PRKDC: variants seen among roughly 807,000 people sequenced by gnomAD.
The protein encoded by PRKDC is protein kinase, DNA-activated, catalytic subunit, also known as DNA-dependent protein kinase catalytic subunit.
In PRKDC, 82 loss-of-function variants were observed where a neutral mutation model predicts 486.9. That is an observed-to-expected ratio of 0.17 (90% CI 0.14 to 0.20). The LOEUF (loss-of-function observed/expected upper bound fraction) is 0.20, where lower values mean the gene tolerates loss of function less well. Ranked by LOEUF, PRKDC falls within the 10% of genes least tolerant of loss-of-function variation. The pLI is 1.00. For synonymous variants in PRKDC, 1,895 were observed against 1,837.0 expected, an observed-to-expected ratio of 1.03 and a Z score of -0.81; for missense variants, 4,504 against 5,038.2, an observed-to-expected ratio of 0.89 and a Z score of 3.21.
intron 71 of PRKDC, 64 bp from the exon 72 acceptor site, chr8:47,799,454 C>T: frequency 7.2e-7 from 1 of 1,389,346 alleles, no homozygotes; most frequent in African/African-American, 1.4e-5. Context: ...ACTCTGCTTT[C>T]CATTTGTGAC....
intron 21 of PRKDC, among the ~76,000 whole-genome samples, chr8:47,925,785 A>G (rs1013663695): frequency 1.3e-5 from 2 of 152,246 alleles, no homozygotes; most frequent in African/African-American, 4.8e-5. Flanking sequence ...CAAACACACA[A>G]TAGAGAAAGT....
At position 47,782,308 on chromosome 8, in the gene PRKDC, T is replaced by G. The variant is rs1241595346; in HGVS notation, c.11397-54A>C. 1 of 1,611,192 alleles carries G rather than the reference T, an allele frequency of 6.2e-7. No individual in the cohort carries two copies. Among genetic ancestry groups the G allele is most frequent in the African/African-American group, 1.3e-5 (1 of 74,888 alleles). On this transcript the variant is annotated intron_variant, in intron 79 of 85. Coordinates refer to ENST00000314191, the MANE Select transcript of PRKDC (RefSeq NM_006904.7). This position sits in a 1 kb window ranked among gnomAD's most constrained non-coding sequence, Gnocchi z 4.9. ...TAAACCCAAACTGCTCTTTCTTCAC[T>G]AGAAAAACAGTCCCGTGGACGCCAA...
At chr8:47,887,860 G>T (rs528586021) in intron 34 of PRKDC, among the ~76,000 whole-genome samples, 155 bp from the exon 35 acceptor site, 4 of 152,210 alleles carry the variant, frequency 2.6e-5, no homozygotes, top group South Asian at 2.1e-4. Context: ...TGCTTTTGTT[G>T]TTCTTGCTAT....
At chr8:47,897,925 C>A (rs2089611813) in intron 29 of PRKDC, among the ~76,000 whole-genome samples, 1 of 152,154 alleles carries the variant, frequency 6.6e-6, no homozygotes, top group Non-Finnish European at 1.5e-5. Flanking sequence ...AGATACCCTG[C>A]AGAGATCTGG....
chr8:47,890,570 G>T, intron 31 of PRKDC, 90 bp from the exon 32 acceptor site: 1 of 952,420 alleles, frequency 1.0e-6, no homozygotes, highest in Non-Finnish European at 1.5e-6. Context: ...TATAGGCATG[G>T]TATACGTTCA....
At chr8:47,877,642 T>G (rs182150990) in intron 40 of PRKDC, 82 bp downstream of exon 40, 1 of 1,184,044 alleles carries the variant, frequency 8.4e-7, no homozygotes, top group Admixed American at 3.0e-5. Context: ...GCCACTCAGC[T>G]TTTTTTTTGG....
Position 47,813,091 on chromosome 8 carries a change from TTATATTTATTTATTTA to T in PRKDC, c.9557+4343_9557+4358del, listed in dbSNP as rs2087368190. On this transcript the variant is annotated intron_variant, in intron 68 of 85. Coordinates refer to ENST00000314191, the MANE Select transcript of PRKDC (RefSeq NM_006904.7). ...ACAAAAATGACACAAAAATAGAATT[TTATATTTATTTATTTA>T]TTTATTTATTTATTTATTTATTTAT... is the stretch of plus-strand genomic sequence containing the variant. Among the ~76,000 whole-genome samples, 5 of 142,296 alleles carry T rather than the reference TTATATTTATTTATTTA, an allele frequency of 3.5e-5. No homozygotes were observed. The South Asian group carries it at 1.1e-3, about 31-fold the overall frequency. 93.4% of individuals were successfully genotyped at this position (142,296 alleles called of 152,430 possible). A position where few individuals can be genotyped will look rare whatever the true frequency, so the allele number is the denominator to read the frequency against.
At chr8:47,868,587 A>C (rs546194552) in intron 40 of PRKDC, among the ~76,000 whole-genome samples, 2 of 152,120 alleles carry the variant, frequency 1.3e-5, no homozygotes, top group Non-Finnish European at 2.9e-5. Context: ...GAATGAATGA[A>C]TGATAAAATT....
Position 47,836,331 on chromosome 8 carries a change from CTG to C in PRKDC, c.7951+5_7951+6del. 1 of 1,559,848 alleles carries C rather than the reference CTG, an allele frequency of 6.4e-7. No homozygotes were observed. The highest frequency in any genetic ancestry group is 8.7e-7 in the Non-Finnish European group (1 of 1,149,956). ...TATACATGGCCAGCGGGCAGGGTCACTGTTACCTGCAGTCTGTGTCAGTGTGA... is the reference window on the plus strand; with the variant it reads ...TATACATGGCCAGCGGGCAGGGTCACTTACCTGCAGTCTGTGTCAGTGTGA... On this transcript the variant is annotated splice_donor_5th_base_variant and intron_variant, in intron 58 of 85. Transcript: ENST00000314191.
At chr8:47,820,429 G>C (rs1391677652) in intron 66 of PRKDC, among the ~76,000 whole-genome samples, 2 of 151,442 alleles carry the variant, frequency 1.3e-5, no homozygotes, top group Non-Finnish European at 1.5e-5. Flanking sequence ...TGTTCTTTAA[G>C]AGTATGAGAA....
chr8:47,802,488 T>G (rs2087128276), intron 70 of PRKDC, among the ~76,000 whole-genome samples: 1 of 151,348 alleles, frequency 6.6e-6, no homozygotes, highest in African/African-American at 2.4e-5. Context: ...GCTTTTTTTT[T>G]TTTTTTTTTG....
rs1365821543 is a variant in PRKDC at position 47,773,590 on chromosome 8, A to G, written c.*583T>C. ...ATCTATCATAAAATGTCAAAACTAG[A>G]AGAGAATAAAATGAAAGGAAAAAAC... is the stretch of plus-strand genomic sequence containing the variant. On this transcript the variant is annotated 3_prime_UTR_variant, in exon 86 of 86. Transcript: ENST00000314191. 5 of 220,708 alleles carry G rather than the reference A, an allele frequency of 2.3e-5. No individual in the cohort carries two copies. The highest frequency in any genetic ancestry group is 4.5e-5 in the Non-Finnish European group (5 of 110,378). 13.7% of individuals were successfully genotyped at this position (220,708 alleles called of 1,614,324 possible).
intron 7 of PRKDC, among the ~76,000 whole-genome samples, chr8:47,949,105 T>TG (rs2090585778): frequency 6.6e-6 from 1 of 152,200 alleles, no homozygotes; most frequent in South Asian, 2.1e-4. Context: ...GGCACCCCCA[T>TG]GCCTTGGCTC....
chr8:47,777,297 C>T (rs1282713601), intron 84 of PRKDC, among the ~76,000 whole-genome samples: 3 of 152,064 alleles, frequency 2.0e-5, no homozygotes, highest in Non-Finnish European at 4.4e-5. Context: ...CAACCTCTGC[C>T]TCCTGGTTTC....
intron 28 of PRKDC, among the ~76,000 whole-genome samples, chr8:47,899,375 G>A (rs1381474020): frequency 6.6e-6 from 1 of 152,224 alleles, no homozygotes; most frequent in East Asian, 1.9e-4. Flanking sequence ...GCCAGGCGCA[G>A]TGGCTCATGC....
At chr8:47,886,577 A>C (rs1394433303) in intron 35 of PRKDC, among the ~76,000 whole-genome samples, 1 of 152,124 alleles carries the variant, frequency 6.6e-6, no homozygotes, top group Non-Finnish European at 1.5e-5. Context: ...TTTTTAGTAG[A>C]GACAGCATTT....
chr8:47,774,083 A>G lies in PRKDC; in HGVS notation c.*90T>C, dbSNP rs2086563379. 2 of 1,302,712 alleles carry G rather than the reference A, an allele frequency of 1.5e-6. No homozygotes were observed. The highest frequency in any genetic ancestry group is 2.1e-6 in the Non-Finnish European group (2 of 966,452). The allele number at this position is 1,302,712 out of a possible 1,614,324, so 80.7% of individuals were successfully genotyped here. A position where few individuals can be genotyped will look rare whatever the true frequency, so the allele number is the denominator to read the frequency against. ...AAAAGACATTTCTCTTTAGTGTTTC[A>G]GGAAAATCAGCTCATGGAATGCTGC... On this transcript the variant is annotated 3_prime_UTR_variant, in exon 86 of 86. Coordinates refer to ENST00000314191, the MANE Select transcript of PRKDC (RefSeq NM_006904.7).
intron 25 of PRKDC, among the ~76,000 whole-genome samples, chr8:47,907,242 G>A (rs374942592): frequency 6.6e-5 from 10 of 151,006 alleles, no homozygotes; most frequent in East Asian, 5.9e-4. Flanking sequence ...GGGTTTCACC[G>A]TGTTAGCCAG....
intron 21 of PRKDC, among the ~76,000 whole-genome samples, chr8:47,922,768 T>C (rs1335044054): frequency 3.3e-5 from 5 of 152,198 alleles, no homozygotes; most frequent in Non-Finnish European, 5.9e-5. Context: ...ACAGAAATAA[T>C]GTTTTAAAGA....
Sources: gnomAD v4.1 joint callset for allele counts (sites outside exome capture counted in the v4.1 genomes callset) on GRCh38, gnomAD v4.1.1 for gene constraint, Gnocchi (gnomAD v3.1) non-coding constraint, MANE v1.5 for transcripts, NCBI Gene and HGNC (gene_info 2026-07-23, HGNC 2026-07-21) for gene names.